The following GMDS variants were observed in gnomAD, a reference collection of about 807,000 sequenced individuals.
The protein encoded by GMDS is GDP-mannose 4,6-dehydratase.
Under a neutral mutation model 49.9 loss-of-function variants are expected in GMDS, and 20 were observed. That is an observed-to-expected ratio of 0.40 (90% CI 0.28 to 0.58). The LOEUF is 0.58. Among genes scored for constraint, GMDS ranks in the 20% least tolerant of loss-of-function variants. The pLI, the probability that GMDS is intolerant of heterozygous loss-of-function variation, is 0.42. For synonymous variants in GMDS, 177 were observed against 178.6 expected (o/e 0.99, Z 0.07); for missense variants, 362 against 481.4 (o/e 0.75, Z 2.32).
At chr6:1,830,067 T>G (rs1771289844) in intron 7 of GMDS, among the ~76,000 whole-genome samples, 1 of 152,208 alleles carries the variant, frequency 6.6e-6, no homozygotes, top group South Asian at 2.1e-4. Flanking sequence ...CACTAGTGGC[T>G]TTTTTATTTA....
chr6:1,799,930 A>G (rs963484844), intron 7 of GMDS, among the ~76,000 whole-genome samples: 1 of 152,218 alleles, frequency 6.6e-6, no homozygotes, highest in Non-Finnish European at 1.5e-5. Flanking sequence ...CAGACTCTCC[A>G]AGGGTTAAGA....
At chr6:1,676,638 A>T (rs560067194) in intron 9 of GMDS, among the ~76,000 whole-genome samples, 39 of 152,292 alleles carry the variant, frequency 2.6e-4, no homozygotes, top group African/African-American at 9.1e-4. Context: ...CACATCTACA[A>T]CCATCTGATC....
rs57708249 is a variant in GMDS, at chr6:1,884,127, T to C, written c.771+45976A>G. ...AGGAACCTGAAATAGTCATTTCCTT[T>C]CTCCCCATATATCTTACTTTTCTAC... is the stretch of plus-strand genomic sequence containing the variant. On this transcript the variant is annotated intron_variant, in intron 7 of 10. Transcript: ENST00000380815. 7.2e-3 allele frequency among the ~76,000 whole-genome samples: 1,092 copies of C among 152,304 alleles called. 7 individuals are homozygous for C. The highest frequency in any genetic ancestry group is 0.025 in the African/African-American group (1,039 of 41,556).
chr6:1,650,035 C>T (rs977468086), intron 9 of GMDS, among the ~76,000 whole-genome samples: 3 of 152,190 alleles, frequency 2.0e-5, no homozygotes, highest in Non-Finnish European at 4.4e-5. Flanking sequence ...TGACCTTGGG[C>T]AAGCAACGAC....
At chr6:1,857,310 A>G (rs1757982190) in intron 7 of GMDS, among the ~76,000 whole-genome samples, 1 of 152,216 alleles carries the variant, frequency 6.6e-6, no homozygotes, top group African/African-American at 2.4e-5. Flanking sequence ...TCCACTCATC[A>G]TAAAGGGAAG....
chr6:1,665,947 T>C (rs1480762183), intron 9 of GMDS, among the ~76,000 whole-genome samples: 1 of 152,216 alleles, frequency 6.6e-6, no homozygotes, highest in Non-Finnish European at 1.5e-5. Flanking sequence ...CTATAATACA[T>C]AGACTATTTC....
chr6:1,781,319 G>A (rs1769074354), intron 7 of GMDS, among the ~76,000 whole-genome samples: 2 of 152,220 alleles, frequency 1.3e-5, no homozygotes, highest in Admixed American at 1.3e-4. Context: ...TGTTCCTGCT[G>A]CTGCTGGTGG....
In GMDS at chr6:1,742,474, G is replaced by T. The variant is rs767304279; in HGVS notation, c.884C>A (p.Thr295Asn). The change falls in exon 8 of 11, where the codon ACC (threonine) becomes AAC (asparagine). Residue 295 changes from threonine (T) to asparagine (N), a missense_variant. Transcript: ENST00000380815. ...VEKSFLHIGK[T>N]IVWEGKNENE... ...ATTTCTCAGGTATACTTACACAATG[G>T]TTTTTCCAATGTGCAAGAATGATTT... 3.2e-6 allele frequency: 5 copies of T among 1,577,456 alleles called. No individual in the cohort carries two copies. Among genetic ancestry groups the T allele is most frequent in the Non-Finnish European group, 3.5e-6 (4 of 1,147,102 alleles).
chr6:1,789,126 G>A (rs946148135), intron 7 of GMDS, among the ~76,000 whole-genome samples: 1 of 152,238 alleles, frequency 6.6e-6, no homozygotes, highest in African/African-American at 2.4e-5. Flanking sequence ...GCCAAATGAA[G>A]GGACAGCAGG....
At chr6:1,644,237 A>G (rs1763420755) in intron 9 of GMDS, among the ~76,000 whole-genome samples, 1 of 151,910 alleles carries the variant, frequency 6.6e-6, no homozygotes, top group Non-Finnish European at 1.5e-5. Context: ...CCCTGATTCC[A>G]CCCGAGCGAA....
intron 4 of GMDS, among the ~76,000 whole-genome samples, chr6:1,996,366 T>C (rs1457909208): frequency 6.6e-6 from 1 of 152,190 alleles, no homozygotes; most frequent in Non-Finnish European, 1.5e-5. Context: ...ACTGCTGTCC[T>C]TTCTCTCTGC....
At chr6:1,776,194 G>C (rs1160597666) in intron 7 of GMDS, among the ~76,000 whole-genome samples, 1 of 152,228 alleles carries the variant, frequency 6.6e-6, no homozygotes, top group Non-Finnish European at 1.5e-5. Context: ...CCATTCATGG[G>C]AGGGCAGTGA....
chr6:2,232,474 T>C (rs1341037142), intron 1 of GMDS, among the ~76,000 whole-genome samples: 4 of 152,212 alleles, frequency 2.6e-5, no homozygotes, highest in Non-Finnish European at 5.9e-5. Context: ...ACCTCACTGG[T>C]GTGATCTACC....
At chr6:1,795,360 A>C (rs1301923724) in intron 7 of GMDS, among the ~76,000 whole-genome samples, 1 of 152,198 alleles carries the variant, frequency 6.6e-6, no homozygotes, top group Non-Finnish European at 1.5e-5. Context: ...TAATGCATAC[A>C]ACACTAGTCT....
chr6:1,706,701 C>T lies in GMDS; in HGVS notation c.987+19715G>A, dbSNP rs542219988. On this transcript the variant is annotated intron_variant, in intron 9 of 10. Transcript: ENST00000380815. ...TGGCTGATTCCCAGCGTTTGCTCAC[C>T]TGTGTGTAGGTTTCCTTATATGGTT... 1.1e-3 allele frequency among the ~76,000 whole-genome samples: 162 copies of T among 152,372 alleles called. 1 individual carries two copies. Among genetic ancestry groups the T allele is most frequent in the African/African-American group, 3.8e-3 (157 of 41,588 alleles).
chr6:1,949,844 A>C (rs1257101937), intron 6 of GMDS, among the ~76,000 whole-genome samples: 1 of 152,192 alleles, frequency 6.6e-6, no homozygotes, highest in African/African-American at 2.4e-5. Flanking sequence ...CTGAACTCCA[A>C]CAGGAGATTA....
chr6:1,765,671 C>T (rs742536), intron 7 of GMDS, among the ~76,000 whole-genome samples: 77,864 of 151,850 alleles, frequency 0.51, 20,208 homozygotes, highest in East Asian at 0.66. Flanking sequence ...ATTTCCTGGT[C>T]CCTGGGCCAG....
At chr6:1,894,238 TTCTAA>T (rs1238719788) in intron 7 of GMDS, among the ~76,000 whole-genome samples, 15 of 152,318 alleles carry the variant, frequency 9.8e-5, no homozygotes, top group African/African-American at 3.6e-4. Context: ...TTACTCACAC[TTCTAA>T]TCTGATCTTA....
At chr6:1,775,718 G>GT (rs1224226709) in intron 7 of GMDS, among the ~76,000 whole-genome samples, 1 of 152,160 alleles carries the variant, frequency 6.6e-6, no homozygotes, top group African/African-American at 2.4e-5. Flanking sequence ...TGCAATGAAA[G>GT]TTTTTTGTTT....
Sources: allele counts gnomAD v4.1 joint callset (sites outside exome capture counted in the v4.1 genomes callset), GRCh38; gene constraint gnomAD v4.1.1; transcripts MANE v1.5; gene names NCBI Gene and HGNC (gene_info 2026-07-23, HGNC 2026-07-21).